The following BBS9 variants were observed in gnomAD, a reference collection of about 807,000 sequenced individuals.
BBS9 encodes the protein Bardet-Biedl syndrome 9, also known as protein PTHB1.
BBS9 carries 89 observed loss-of-function variants against 117.7 expected under a neutral mutation model. That is an observed-to-expected ratio of 0.76 (90% CI 0.64 to 0.90). The LOEUF (loss-of-function observed/expected upper bound fraction) is 0.90. BBS9 is among the 40% of genes least tolerant of loss of function. The probability of loss-of-function intolerance (pLI) is 0.00; values close to 1 mark genes in which losing one functional copy is unlikely to be tolerated. For synonymous variants in BBS9, 379 were observed against 370.9 expected (o/e 1.02, Z -0.25); for missense variants, 982 against 1,042.2 (o/e 0.94, Z 0.80).
rs201826083 is a variant in BBS9, at chr7:33,432,506, C to G, written c.2115+44362C>G. On this transcript the variant is annotated intron_variant, in intron 19 of 22. Coordinates refer to ENST00000242067, the MANE Select transcript of BBS9 (RefSeq NM_198428.3). ...ATCTTCTGTTTCTTTTATGACAAAC[C>G]TAAAGGGTTCCATAGAAAACTAGCT... Among the ~76,000 whole-genome samples the G allele has an allele frequency of 7.2e-5, 11 of 152,058 alleles. No individual in the cohort carries two copies. The East Asian group carries it at 2.1e-3, about 29-fold the overall frequency.
chr7:33,294,735 C>A (rs1168465993), intron 9 of BBS9, among the ~76,000 whole-genome samples: 1 of 152,170 alleles, frequency 6.6e-6, no homozygotes, highest in Non-Finnish European at 1.5e-5. Flanking sequence ...AATTTATATT[C>A]ATGAAGCCAA....
At chr7:33,517,013 G>A (rs1048565051) in intron 20 of BBS9, among the ~76,000 whole-genome samples, 2 of 152,166 alleles carry the variant, frequency 1.3e-5, no homozygotes, top group African/African-American at 4.8e-5. Context: ...ATTGTTTAAC[G>A]GCAGTTGTTA....
intron 19 of BBS9, among the ~76,000 whole-genome samples, chr7:33,395,989 C>T (rs772120679): frequency 1.3e-5 from 2 of 151,940 alleles, no homozygotes; most frequent in Non-Finnish European, 2.9e-5. Flanking sequence ...AATTCTTTCT[C>T]AGAAGGTGAT....
chr7:33,527,521 C>T (rs1234330349), intron 20 of BBS9, among the ~76,000 whole-genome samples: 1 of 152,196 alleles, frequency 6.6e-6, no homozygotes, highest in African/African-American at 2.4e-5. Context: ...CCAGGTGCGT[C>T]CGTCACCCCT....
chr7:33,458,285 G>A (rs1463926574), intron 19 of BBS9, among the ~76,000 whole-genome samples: 2 of 152,254 alleles, frequency 1.3e-5, no homozygotes, highest in East Asian at 3.9e-4. Context: ...GAGAAAAAAT[G>A]TAAAAGATAA....
At chr7:33,612,382 A>C (rs1864926203) in intron 21 of BBS9, among the ~76,000 whole-genome samples, 1 of 152,058 alleles carries the variant, frequency 6.6e-6, no homozygotes, top group South Asian at 2.1e-4. Flanking sequence ...TTTTCCCCCA[A>C]AATGTCAATA....
At chr7:33,230,599 A>G (rs992305527) in intron 5 of BBS9, among the ~76,000 whole-genome samples, 1 of 152,116 alleles carries the variant, frequency 6.6e-6, no homozygotes, top group African/African-American at 2.4e-5. Flanking sequence ...TGAGTCTGCA[A>G]TGTCTAGTGT....
At chr7:33,288,510 G>A (rs919398197) in intron 9 of BBS9, among the ~76,000 whole-genome samples, 16 of 152,138 alleles carry the variant, frequency 1.1e-4, no homozygotes, top group Non-Finnish European at 1.8e-4. Flanking sequence ...TAATTAGCAC[G>A]TATGTTCTAG....
chr7:33,347,571 G>A (rs1817832953), intron 12 of BBS9, among the ~76,000 whole-genome samples: 1 of 151,836 alleles, frequency 6.6e-6, no homozygotes, highest in Non-Finnish European at 1.5e-5. Context: ...TAATTGCATC[G>A]ATAGTTGTCT....
At chr7:33,151,693 G>T (rs1033436877) in intron 2 of BBS9, among the ~76,000 whole-genome samples, 39 of 152,074 alleles carry the variant, frequency 2.6e-4, no homozygotes, top group African/African-American at 8.9e-4. Context: ...GGGATTACGG[G>T]CATGCGCCAC....
intron 19 of BBS9, among the ~76,000 whole-genome samples, chr7:33,446,512 C>G (rs1416133254): frequency 6.6e-6 from 1 of 152,210 alleles, no homozygotes; most frequent in East Asian, 1.9e-4. Context: ...GTATCAATTT[C>G]ACACCTGCCT....
intron 4 of BBS9, among the ~76,000 whole-genome samples, chr7:33,170,691 T>A (rs952947538): frequency 8.7e-5 from 13 of 149,426 alleles, no homozygotes; most frequent in Middle Eastern, 3.5e-3. Flanking sequence ...CATGATTGTA[T>A]ATCTAGAAAA....
intron 19 of BBS9, among the ~76,000 whole-genome samples, chr7:33,417,078 T>C (rs1359671138): frequency 1.3e-5 from 2 of 152,198 alleles, no homozygotes; most frequent in Non-Finnish European, 2.9e-5. Flanking sequence ...TGCACCCCAA[T>C]AGCTACAATA....
chr7:33,364,106 G>A (rs867974658), intron 16 of BBS9, among the ~76,000 whole-genome samples: 7 of 88,148 alleles, frequency 7.9e-5, no homozygotes, highest in Non-Finnish European at 1.4e-4. Context: ...CCGCTACCAC[G>A]CCCGGCTAAT....
rs535050932 is a variant in BBS9 at position 33,253,322 on chromosome 7, A to G, written c.443-3914A>G. Among the ~76,000 whole-genome samples the G allele has an allele frequency of 2.0e-5, 3 of 152,276 alleles. No individual in the cohort carries two copies. The South Asian group carries it at 6.2e-4, about 32-fold the overall frequency. On this transcript the variant is annotated intron_variant, in intron 5 of 22. Coordinates refer to ENST00000242067, the MANE Select transcript of BBS9 (RefSeq NM_198428.3). ...AGACTTAATGATGGCTTAAATAAGA[A>G]AGATGTTTGGCCGGGCGCAGTGGCT...
chr7:33,538,256 G>A (rs1197172133), intron 21 of BBS9, among the ~76,000 whole-genome samples: 1 of 152,256 alleles, frequency 6.6e-6, no homozygotes, highest in East Asian at 1.9e-4. Flanking sequence ...TGATAAATAA[G>A]ATTAGGTATC....
At chr7:33,374,919 A>AAC (rs1823565667) in intron 17 of BBS9, among the ~76,000 whole-genome samples, 1 of 151,932 alleles carries the variant, frequency 6.6e-6, no homozygotes, top group Non-Finnish European at 1.5e-5. Flanking sequence ...AAAAAAAAAA[A>AAC]AAAACCTATT....
Position 33,605,015 on chromosome 7 carries a change from A to G in BBS9, c.2632+40A>G, listed in dbSNP as rs781702772. ...GGCCTTCACAAGCGTTAGTTAAGTC[A>G]GAAGCAGTGACAATCTGGTCAGTTT... On this transcript the variant is annotated intron_variant, in intron 22 of 22. Coordinates refer to ENST00000242067, the MANE Select transcript of BBS9 (RefSeq NM_198428.3). 9 of 1,539,514 alleles carry G rather than the reference A, an allele frequency of 5.8e-6. No individual in the cohort carries two copies. In the African/African-American group the frequency reaches 1.2e-4, roughly 21 times the overall value.
intron 9 of BBS9, among the ~76,000 whole-genome samples, chr7:33,334,610 C>T (rs1814899590): frequency 6.6e-6 from 1 of 152,124 alleles, no homozygotes; most frequent in African/African-American, 2.4e-5. Flanking sequence ...AAGGTTCAAA[C>T]CCAAAGGTAC....
Sources: allele counts gnomAD v4.1 joint callset (sites outside exome capture counted in the v4.1 genomes callset), GRCh38; gene constraint gnomAD v4.1.1; transcripts MANE v1.5; gene names NCBI Gene and HGNC (gene_info 2026-07-23, HGNC 2026-07-21).